ELP4: variants seen among roughly 807,000 people sequenced by gnomAD.
The protein encoded by ELP4 is elongator complex protein 4.
ELP4 carries 51 observed loss-of-function variants against 48.9 expected under a neutral mutation model. That is an observed-to-expected ratio of 1.04 (90% CI 0.83 to 1.32). The LOEUF (loss-of-function observed/expected upper bound fraction) is 1.32, where lower values mean the gene tolerates loss of function less well. Among genes scored for constraint, ELP4 ranks in the 40% most tolerant of loss-of-function variants. The pLI is 0.00. For synonymous variants in ELP4, 210 were observed against 189.2 expected, an observed-to-expected ratio of 1.11 and a Z score of -0.90; for missense variants, 519 against 514.6, an observed-to-expected ratio of 1.01 and a Z score of -0.08.
At chr11:31,579,842 A>G (rs2133970226) in intron 3 of ELP4, among the ~76,000 whole-genome samples, 1 of 151,840 alleles carries the variant, frequency 6.6e-6, no homozygotes, top group East Asian at 1.9e-4. Context: ...GTGAATGACG[A>G]GTTAGCGGGT....
chr11:31,590,308 A>G (rs1445869274), intron 3 of ELP4, among the ~76,000 whole-genome samples: 2 of 152,174 alleles, frequency 1.3e-5, no homozygotes, highest in Non-Finnish European at 2.9e-5. Context: ...ACAAAAAACT[A>G]GACCAGGACT....
chr11:31,596,436 T>C (rs991383963), intron 4 of ELP4, among the ~76,000 whole-genome samples: 1 of 152,160 alleles, frequency 6.6e-6, no homozygotes, highest in Non-Finnish European at 1.5e-5. Context: ...TTTCTCATTG[T>C]TTTATACTTA....
At chr11:31,556,686 A>G (rs1431899618) in intron 3 of ELP4, among the ~76,000 whole-genome samples, 1 of 151,926 alleles carries the variant, frequency 6.6e-6, no homozygotes, top group Non-Finnish European at 1.5e-5. Flanking sequence ...TCCTGCAGGA[A>G]GAAGTATCTA....
rs953142379 is a variant in ELP4, at chr11:31,784,015, A to C, written c.*491A>C. 6.6e-6 allele frequency: 1 copy of C among 152,334 alleles called. No individual in the cohort carries two copies. The highest frequency in any genetic ancestry group is 2.4e-5 in the African/African-American group (1 of 41,474). 9.4% of individuals were successfully genotyped at this position (152,334 alleles called of 1,614,324 possible). A position where few individuals can be genotyped will look rare whatever the true frequency, so the allele number is the denominator to read the frequency against. ...ATTTATGTATCCAGTTATTAAATTG[A>C]TAAAGACAAAGTAATATTTTGGGAT... On this transcript the variant is annotated 3_prime_UTR_variant, in exon 10 of 10. Coordinates refer to ENST00000640961, the MANE Select transcript of ELP4 (RefSeq NM_019040.5).
At chr11:31,554,886 C>CT (rs1204359879) in intron 3 of ELP4, among the ~76,000 whole-genome samples, 1 of 152,090 alleles carries the variant, frequency 6.6e-6, no homozygotes, top group African/African-American at 2.4e-5. Context: ...ACCAAATTGT[C>CT]TTAAGCATTA....
intron 9 of ELP4, among the ~76,000 whole-genome samples, chr11:31,756,615 G>A (rs1475264131): frequency 6.6e-6 from 1 of 152,126 alleles, no homozygotes; most frequent in Non-Finnish European, 1.5e-5. Flanking sequence ...AGGATTACTT[G>A]AATCTCCAGC....
intron 5 of ELP4, among the ~76,000 whole-genome samples, chr11:31,620,449 G>A (rs1944596678): frequency 6.6e-6 from 1 of 152,008 alleles, no homozygotes; most frequent in Non-Finnish European, 1.5e-5. Context: ...TAGTGGTTAT[G>A]TAGAGGGGTG....
chr11:31,622,070 A>G (rs577836515), intron 5 of ELP4, among the ~76,000 whole-genome samples: 50 of 151,930 alleles, frequency 3.3e-4, no homozygotes, highest in African/African-American at 1.1e-3. Context: ...CTGTGATACA[A>G]AAGTGTTTTG....
At chr11:31,545,382 C>A (rs1956682528) in intron 3 of ELP4, among the ~76,000 whole-genome samples, 1 of 151,954 alleles carries the variant, frequency 6.6e-6, no homozygotes, top group South Asian at 2.1e-4. Flanking sequence ...GAAAGGGTAT[C>A]AGCGATGGAA....
chr11:31,626,784 TAGTGG>T (rs1944753929), intron 5 of ELP4, among the ~76,000 whole-genome samples: 1 of 151,886 alleles, frequency 6.6e-6, no homozygotes, highest in Non-Finnish European at 1.5e-5. Context: ...TGAAAATCTA[TAGTGG>T]CTTCATCTTT....
intron 4 of ELP4, among the ~76,000 whole-genome samples, chr11:31,602,092 AG>A (rs1660938583): frequency 6.6e-6 from 1 of 151,938 alleles, no homozygotes; most frequent in African/African-American, 2.4e-5. Flanking sequence ...ATTGGGCCTG[AG>A]GGGGATTTGC....
At chr11:31,658,332 G>A (rs1203330087) in intron 9 of ELP4, among the ~76,000 whole-genome samples, 2 of 148,874 alleles carry the variant, frequency 1.3e-5, no homozygotes, top group Admixed American at 1.4e-4. Context: ...ATTAATCACA[G>A]CTTCTCCCTT....
intron 3 of ELP4, among the ~76,000 whole-genome samples, chr11:31,555,633 A>G (rs1220531919): frequency 1.3e-5 from 2 of 151,868 alleles, no homozygotes; most frequent in Admixed American, 1.3e-4. Flanking sequence ...AGAATATACT[A>G]TATTTAAAAA....
intron 4 of ELP4, among the ~76,000 whole-genome samples, chr11:31,597,832 G>T (rs908884406): frequency 6.6e-6 from 1 of 151,986 alleles, no homozygotes; most frequent in Non-Finnish European, 1.5e-5. Flanking sequence ...CTCCCAAAGT[G>T]CTGGGATTCC....
In ELP4 at chr11:31,539,774, C is replaced by G. The variant is rs985295187; in HGVS notation, c.372C>G (p.Asn124Lys). The change falls in exon 3 of 10, where the codon AAC becomes AAG. Residue 124 changes from asparagine to lysine, a missense_variant. Transcript: ENST00000640961. ...LVASAKEDPA[N>K]ILQELPAPLL... is the part of the protein sequence containing the mutation. ...CATCTGCTAAAGAGGATCCTGCCAACATTTTACAGGTATAGAATATATGAA... is the reference window on the plus strand; with the variant it reads ...CATCTGCTAAAGAGGATCCTGCCAAGATTTTACAGGTATAGAATATATGAA... 6.2e-7 allele frequency: 1 copy of G among 1,606,938 alleles called. No individual in the cohort carries two copies. Among genetic ancestry groups the G allele is most frequent in the African/African-American group, 1.3e-5 (1 of 74,752 alleles).
chr11:31,646,472 C>T (rs917301952), intron 7 of ELP4: 4 of 151,724 alleles, frequency 2.6e-5, no homozygotes, highest in African/African-American at 9.7e-5. Context: ...AGTCAGGTAA[C>T]ATTGACCAGC....
At chr11:31,776,984 ATTGTTT>A (rs1948261728) in intron 9 of ELP4, among the ~76,000 whole-genome samples, 1 of 152,210 alleles carries the variant, frequency 6.6e-6, no homozygotes, top group South Asian at 2.1e-4. Flanking sequence ...TGGTTCTGGC[ATTGTTT>A]CCACTGGCCT....
At chr11:31,762,757 A>G (rs1402603531) in intron 9 of ELP4, among the ~76,000 whole-genome samples, 2 of 151,624 alleles carry the variant, frequency 1.3e-5, no homozygotes, top group African/African-American at 2.4e-5. Context: ...ATTCAGCTCT[A>G]ATTTCTTATG....
intron 9 of ELP4, among the ~76,000 whole-genome samples, chr11:31,676,190 G>T (rs1418581039): frequency 5.9e-5 from 9 of 152,008 alleles, no homozygotes; most frequent in Non-Finnish European, 1.3e-4. Context: ...CAGGGCCTTT[G>T]CTGCCTGTTT....
Sources: gnomAD v4.1 joint callset for allele counts (sites outside exome capture counted in the v4.1 genomes callset) on GRCh38, gnomAD v4.1.1 for gene constraint, MANE v1.5 for transcripts, NCBI Gene and HGNC (gene_info 2026-07-23, HGNC 2026-07-21) for gene names.